Variants in ATP2B4 observed in about 807,000 individuals in gnomAD.
ATP2B4 encodes the protein plasma membrane calcium-transporting ATPase 4.
ATP2B4 carries 39 observed loss-of-function variants against 110.3 expected under a neutral mutation model. The ratio of observed to expected loss-of-function variants is 0.35; its 90% CI spans 0.27 to 0.46. ATP2B4 has a LOEUF of 0.46. Among genes scored for constraint, ATP2B4 ranks in the 20% least tolerant of loss-of-function variants. ATP2B4 has a pLI of 1.00. For synonymous variants in ATP2B4, 538 were observed against 571.7 expected (o/e 0.94, Z 0.84); for missense variants, 1,135 against 1,530.9 (o/e 0.74, Z 4.32).
chr1:203,666,372 G>T (rs1401151275), intron 1 of ATP2B4, among the ~76,000 whole-genome samples: 1 of 152,178 alleles, frequency 6.6e-6, no homozygotes, highest in Non-Finnish European at 1.5e-5. Flanking sequence ...TCCTGACCAG[G>T]GGACCTGCAG....
chr1:203,717,621 A>AT (rs1199684916), intron 15 of ATP2B4, among the ~76,000 whole-genome samples: 3 of 95,844 alleles, frequency 3.1e-5, no homozygotes, highest in South Asian at 7.8e-4. Flanking sequence ...GTGAAATGGT[A>AT]TTTATTTTAT....
In ATP2B4 at chr1:203,682,908, C is replaced by T. The variant is rs1164230747; in HGVS notation, c.-298C>T. 1 of 285,742 alleles carries T rather than the reference C, an allele frequency of 3.5e-6. No homozygotes were observed. The allele number at this position is 285,742 out of a possible 1,614,324, so 17.7% of individuals were successfully genotyped here. On this transcript the variant is annotated 5_prime_UTR_variant, in exon 2 of 21. Coordinates refer to ENST00000357681, the MANE Select transcript of ATP2B4 (RefSeq NM_001684.5). Reference sequence around the variant, plus strand: ...AAGCTAGGAACCTACCTACCCTGGACAACTACTATCATCACCACCTGGGGA... The same window carrying T: ...AAGCTAGGAACCTACCTACCCTGGATAACTACTATCATCACCACCTGGGGA...
At chr1:203,703,359 A>C (rs1665751296) in intron 7 of ATP2B4, among the ~76,000 whole-genome samples, 1 of 152,220 alleles carries the variant, frequency 6.6e-6, no homozygotes, top group South Asian at 2.1e-4. Flanking sequence ...TTGCTGGAAT[A>C]AACCTAGCTT....
intron 1 of ATP2B4, chr1:203,656,907 C>T (rs1208394651): frequency 1.7e-5 from 10 of 579,074 alleles, no homozygotes; most frequent in Non-Finnish European, 3.1e-5. Flanking sequence ...AGAAACATTA[C>T]AGTAATGGCA....
intron 17 of ATP2B4, 45 bp from the exon 18 acceptor site, chr1:203,722,433 G>A (rs762572252): frequency 4.7e-6 from 7 of 1,486,436 alleles, no homozygotes; most frequent in South Asian, 4.5e-5. Context: ...CTTACTCTTA[G>A]TTCAGACCAC....
At chr1:203,664,927 G>T (rs1402545321) in intron 1 of ATP2B4, among the ~76,000 whole-genome samples, 2 of 152,154 alleles carry the variant, frequency 1.3e-5, no homozygotes, top group Non-Finnish European at 2.9e-5. Flanking sequence ...CGCCTCCCGG[G>T]TTCACGCCAT....
Position 203,698,301 on chromosome 1 carries a change from C to G in ATP2B4, c.338C>G (p.Ala113Gly). 1 of 1,614,110 alleles carries G rather than the reference C, an allele frequency of 6.2e-7. No homozygotes were observed. ...ACGCTTATCATCCTGGAGATTGCAG[C>G]CATCATCTCCCTGGTCCTGTCCTTT... ...DVTLIILEIA[A>G]IISLVLSFYR... The change falls in exon 3 of 21, where the codon GCC becomes GGC. Residue 113 changes from alanine (A) to glycine (G), a missense_variant. By Grantham distance (60) the Ala-to-Gly change is moderately conservative (BLOSUM62 0). Around this residue, in one of 9 missense-constraint regions of ATP2B4, gnomAD observed 101 missense variants for 182.6 expected, o/e 0.55. Coordinates refer to ENST00000357681, the MANE Select transcript of ATP2B4 (RefSeq NM_001684.5).
At chr1:203,715,916 T>C (rs930142037) in intron 15 of ATP2B4, among the ~76,000 whole-genome samples, 2 of 144,530 alleles carry the variant, frequency 1.4e-5, no homozygotes, top group Admixed American at 1.4e-4. Flanking sequence ...TACAAACCCA[T>C]AGAATGCAGA....
At chr1:203,739,509 C>A in intron 20 of ATP2B4, 37 bp from the exon 21 acceptor site, 1 of 1,582,836 alleles carries the variant, frequency 6.3e-7, no homozygotes, top group South Asian at 1.2e-5. Flanking sequence ...TCTCACCTCT[C>A]TATTTTCTCA....
intron 18 of ATP2B4, among the ~76,000 whole-genome samples, chr1:203,723,582 C>CTCCTTG (rs1666414468): frequency 1.3e-5 from 2 of 151,840 alleles, no homozygotes; most frequent in African/African-American, 4.8e-5. Flanking sequence ...ACTGTACCTT[C>CTCCTTG]TCCTTGTCAC....
At chr1:203,671,065 G>A (rs538679567) in intron 1 of ATP2B4, among the ~76,000 whole-genome samples, 59 of 152,294 alleles carry the variant, frequency 3.9e-4, no homozygotes, top group African/African-American at 1.2e-3. Flanking sequence ...CCTAATAAGT[G>A]TATACCAATC....
chr1:203,700,886 G>C lies in ATP2B4; in HGVS notation c.864G>C (p.Gly288=), dbSNP rs751479130. ...SQTGIILTLL[G]VNEDDEGEKK... ...CTGGAATCATCCTTACTCTCTTGGG[G>C]GTCAATGAGGATGACGAAGGGGAGA... The change falls in exon 6 of 21, where the codon GGG becomes GGC. Residue 288 remains glycine, a synonymous_variant. Transcript: ENST00000357681. The C allele has an allele frequency of 6.2e-7, 1 of 1,613,674 alleles. No individual in the cohort carries two copies. The highest frequency in any genetic ancestry group is 8.5e-7 in the Non-Finnish European group (1 of 1,179,740).
Position 203,707,077 on chromosome 1 carries a change from A to G in ATP2B4, c.1168A>G (p.Asn390Asp). The change falls in exon 9 of 21, where the codon AAT becomes GAT. Residue 390 changes from asparagine to aspartate, a missense_variant. Asn to Asp is a conservative substitution (Grantham distance 23, BLOSUM62 1). This residue lies in a region of ATP2B4 where 162 missense variants were observed against 210.5 expected (regional missense o/e 0.77). Coordinates refer to ENST00000357681, the MANE Select transcript of ATP2B4 (RefSeq NM_001684.5). ...CTTTGTGATTGACAACTTTGTGATA[A>G]ATCGCAGACCATGGCTCCCTGAGTG... is the stretch of plus-strand genomic sequence containing the variant. ...LYFVIDNFVI[N>D]RRPWLPECTP... 1 of 1,614,088 alleles carries G rather than the reference A, an allele frequency of 6.2e-7. No homozygotes were observed. The highest frequency in any genetic ancestry group is 8.5e-7 in the Non-Finnish European group (1 of 1,180,006).
At chr1:203,724,603 T>C (rs1351607546) in intron 19 of ATP2B4, among the ~76,000 whole-genome samples, 1 of 151,496 alleles carries the variant, frequency 6.6e-6, no homozygotes, top group Non-Finnish European at 1.5e-5. Flanking sequence ...AAAAAAAATA[T>C]ATAATAAGGG....
chr1:203,649,165 C>G (rs1663901003), intron 1 of ATP2B4, among the ~76,000 whole-genome samples: 1 of 152,122 alleles, frequency 6.6e-6, no homozygotes, highest in Non-Finnish European at 1.5e-5. Context: ...TCTCCAGCTC[C>G]TATAAAATTT....
At chr1:203,694,934 A>G (rs561349433) in intron 2 of ATP2B4, among the ~76,000 whole-genome samples, 18 of 152,210 alleles carry the variant, frequency 1.2e-4, no homozygotes, top group African/African-American at 4.3e-4. Flanking sequence ...ACTACATGAT[A>G]TAGGAGATGG....
At chr1:203,733,101 C>T (rs1571779422) in intron 20 of ATP2B4, 1 of 888,476 alleles carries the variant, frequency 1.1e-6, no homozygotes, top group Non-Finnish European at 1.7e-6. Flanking sequence ...TCTCTCCTGT[C>T]CCCTTTTCCC....
chr1:203,719,070 A>G (rs974736401), intron 15 of ATP2B4, among the ~76,000 whole-genome samples: 2 of 151,858 alleles, frequency 1.3e-5, no homozygotes, highest in African/African-American at 4.8e-5. Flanking sequence ...TAAAAAAAAT[A>G]AAAAATTAGC....
Position 203,722,638 on chromosome 1 carries a change from C to G in ATP2B4, c.2973C>G (p.Ile991Met), listed in dbSNP as rs139111192. The G allele has an allele frequency of 6.2e-7, 1 of 1,614,184 alleles. No homozygotes were observed. The highest frequency in any genetic ancestry group is 1.1e-5 in the South Asian group (1 of 91,076). Residue 991 changes from isoleucine to methionine, a missense_variant, in exon 18 of 21, where the codon ATC becomes ATG. This residue lies in a region of ATP2B4 where 155 missense variants were observed against 186.2 expected (regional missense o/e 0.83). Coordinates refer to ENST00000357681, the MANE Select transcript of ATP2B4 (RefSeq NM_001684.5). ...GAGAGAAGAACGTCTTTTCAGGCATCTACCGCAACATTATCTTCTGCTCTG... is the reference window on the plus strand; with the variant it reads ...GAGAGAAGAACGTCTTTTCAGGCATGTACCGCAACATTATCTTCTGCTCTG... ...IHGEKNVFSG[I>M]YRNIIFCSVV...
Sources: allele counts gnomAD v4.1 joint callset (sites outside exome capture counted in the v4.1 genomes callset), GRCh38; gene constraint gnomAD v4.1.1; regional missense constraint gnomAD v4.1.1; transcripts MANE v1.5; gene names NCBI Gene and HGNC (gene_info 2026-07-23, HGNC 2026-07-21).